The following STK38 variants were observed in gnomAD, a reference collection of about 807,000 sequenced individuals.
STK38 encodes the protein serine/threonine kinase 38.
STK38 carries 26 observed loss-of-function variants against 59.0 expected under a neutral mutation model. The observed-to-expected ratio is 0.44, with a 90% confidence interval of 0.32 to 0.61. The LOEUF (loss-of-function observed/expected upper bound fraction) is 0.61. Among genes scored for constraint, STK38 ranks in the 20% least tolerant of loss-of-function variants. The pLI is 0.04. For missense variants in STK38, 433 were observed against 566.0 expected, an observed-to-expected ratio of 0.76 and a Z score of 2.38; for synonymous variants, 175 against 176.6, an observed-to-expected ratio of 0.99 and a Z score of 0.07.
chr6:36,515,204 T>C (rs943973009), intron 7 of STK38, 134 bp downstream of exon 7: 19 of 905,484 alleles, frequency 2.1e-5, no homozygotes, highest in Middle Eastern at 2.3e-4. Context: ...CTTACCTGTT[T>C]AAAAAAAAAA....
chr6:36,517,557 G>T (rs937823451), intron 6 of STK38, among the ~76,000 whole-genome samples, 160 bp downstream of exon 6: 3 of 152,164 alleles, frequency 2.0e-5, no homozygotes. Flanking sequence ...AGGCACCCCA[G>T]CACAAGACAG....
At chr6:36,532,652 ACT>A in intron 2 of STK38, among the ~76,000 whole-genome samples, 1 of 151,994 alleles carries the variant, frequency 6.6e-6, no homozygotes, top group East Asian at 1.9e-4. Context: ...TGGCTCACAC[ACT>A]CTGGGAAGCT....
At chr6:36,527,207 A>AAATATATATATATAT (rs60162863) in intron 2 of STK38, among the ~76,000 whole-genome samples, 4 of 119,348 alleles carry the variant, frequency 3.4e-5, no homozygotes, top group East Asian at 2.4e-4. Flanking sequence ...AAAAAAAAAA[A>AAATATATATATATAT]ATATATGTAT....
chr6:36,539,423 C>A (rs1309892532), intron 2 of STK38, among the ~76,000 whole-genome samples: 3 of 151,528 alleles, frequency 2.0e-5, no homozygotes, highest in South Asian at 2.1e-4. Flanking sequence ...TTATGAGTTA[C>A]TAAGTGGACA....
intron 1 of STK38, among the ~76,000 whole-genome samples, chr6:36,541,498 A>G (rs901565784): frequency 2.6e-5 from 4 of 152,232 alleles, no homozygotes; most frequent in African/African-American, 9.6e-5. Context: ...AAGGAGGTGC[A>G]ATGCAGCATT....
chr6:36,495,658 A>T lies in STK38; in HGVS notation c.*126T>A. 1 of 1,266,442 alleles carries T rather than the reference A, an allele frequency of 7.9e-7. No individual in the cohort carries two copies. The highest frequency in any genetic ancestry group is 1.1e-6 in the Non-Finnish European group (1 of 924,610). 78.5% of individuals were successfully genotyped at this position (1,266,442 alleles called of 1,614,324 possible). On this transcript the variant is annotated 3_prime_UTR_variant, in exon 14 of 14. Transcript: ENST00000229812. The stretch of plus-strand genomic sequence containing the variant: ...GAAAATCCTCTTACTACCACATTTC[A>T]GGAGACTTTACTATGACATATTGGT...
Position 36,515,341 on chromosome 6 carries a change from G to A in STK38, c.666C>T (p.Ser222=). 3 of 1,613,980 alleles carry A rather than the reference G, an allele frequency of 1.9e-6. No homozygotes were observed. The highest frequency in any genetic ancestry group is 2.2e-5 in the South Asian group (2 of 91,070). ...CATGCCAATGCCCCCCCAATACCTT[G>A]CTGTCCAAAAGAAGGTTGTCTGGTT... The part of the protein sequence containing the change: ...DIKPDNLLLD[S]KGHVKLSDFG... Residue 222 remains serine, a synonymous_variant, in exon 7 of 14, where the codon AGC becomes AGT. Coordinates refer to ENST00000229812, the MANE Select transcript of STK38 (RefSeq NM_007271.4).
intron 2 of STK38, among the ~76,000 whole-genome samples, chr6:36,531,108 A>C (rs1777657157): frequency 6.6e-6 from 1 of 152,226 alleles, no homozygotes; most frequent in Non-Finnish European, 1.5e-5. Flanking sequence ...GGACTTACTC[A>C]TTCTTGAGGC....
intron 2 of STK38, among the ~76,000 whole-genome samples, chr6:36,527,620 T>C (rs914664032): frequency 6.6e-6 from 1 of 151,704 alleles, no homozygotes; most frequent in African/African-American, 2.4e-5. Context: ...CATGCAGTAA[T>C]GTTTTTGATC....
At chr6:36,521,862 C>G (rs1480869037) in intron 4 of STK38, 45 bp from the exon 5 acceptor site, 17 of 1,473,814 alleles carry the variant, frequency 1.2e-5, no homozygotes, top group Non-Finnish European at 1.6e-5. Context: ...CTCGTACTAC[C>G]AACCTAATGC....
intron 2 of STK38, among the ~76,000 whole-genome samples, chr6:36,530,736 G>T (rs182920157): frequency 6.8e-6 from 1 of 146,984 alleles, no homozygotes; most frequent in Admixed American, 6.8e-5. Context: ...TGTTACCCAG[G>T]CTGGAGTGCA....
intron 1 of STK38, among the ~76,000 whole-genome samples, chr6:36,544,608 G>C (rs966597669): frequency 2.6e-5 from 4 of 152,176 alleles, no homozygotes; most frequent in Admixed American, 6.5e-5. Flanking sequence ...CAATTTGCCA[G>C]GGCACTGGTG....
intron 1 of STK38, among the ~76,000 whole-genome samples, chr6:36,545,290 A>AG (rs1778032241): frequency 1.4e-5 from 1 of 71,024 alleles, no homozygotes; most frequent in East Asian, 2.8e-4. Flanking sequence ...CTCCGTCTGG[A>AG]AAAAAAAAAA....
chr6:36,527,618 A>G (rs548973374), intron 2 of STK38, among the ~76,000 whole-genome samples: 41 of 152,072 alleles, frequency 2.7e-4, no homozygotes, highest in Non-Finnish European at 5.1e-4. Context: ...TACATGCAGT[A>G]ATGTTTTTGA....
At position 36,520,734 on chromosome 6, in the gene STK38, C is replaced by T. The variant is rs116495709; in HGVS notation, c.390+1000G>A. ...AGACTTACCGCCCAGGTATTTGATA[C>T]TCCCAACTGAAATTCCTGGGAGTCT... is the stretch of plus-strand genomic sequence containing the variant. On this transcript the variant is annotated intron_variant, in intron 5 of 13. Transcript: ENST00000229812. Among the ~76,000 whole-genome samples, 878 of 152,208 alleles carry T rather than the reference C, an allele frequency of 5.8e-3. 8 individuals carry two copies. Among genetic ancestry groups the T allele is most frequent in the African/African-American group, 0.02 (833 of 41,532 alleles).
At position 36,495,412 on chromosome 6, in the gene STK38, GAAC is replaced by G; in HGVS notation, c.*369_*371del. 2.2e-5 allele frequency: 4 copies of G among 181,102 alleles called. No individual in the cohort carries two copies. Among genetic ancestry groups the G allele is most frequent in the Admixed American group, 5.6e-5 (1 of 17,736 alleles). The allele number at this position is 181,102 out of a possible 1,614,324, so 11.2% of individuals were successfully genotyped here. A position where few individuals can be genotyped will look rare whatever the true frequency, so the allele number is the denominator to read the frequency against. On this transcript the variant is annotated 3_prime_UTR_variant, in exon 14 of 14. Coordinates refer to ENST00000229812, the MANE Select transcript of STK38 (RefSeq NM_007271.4). ...CAGAGAGCGTGTCACAAAATTACAG[GAAC>G]TGGCTGATATTCGATGACTATACAC...
intron 1 of STK38, among the ~76,000 whole-genome samples, chr6:36,545,798 C>G (rs1778042110): frequency 6.6e-6 from 1 of 152,136 alleles, no homozygotes. Context: ...TAATAGGTGG[C>G]TGAGGAATTC....
chr6:36,534,083 G>A (rs1161950125), intron 2 of STK38, among the ~76,000 whole-genome samples: 3 of 152,084 alleles, frequency 2.0e-5, no homozygotes, highest in Non-Finnish European at 4.4e-5. Flanking sequence ...TATCAACCCA[G>A]CAACATAAAG....
At chr6:36,544,872 AAAC>A (rs571933282) in intron 1 of STK38, among the ~76,000 whole-genome samples, 6 of 152,232 alleles carry the variant, frequency 3.9e-5, no homozygotes, top group South Asian at 2.1e-4. Context: ...TCTGTCTTAA[AAAC>A]AACAACAACA....
Sources: allele counts gnomAD v4.1 joint callset (sites outside exome capture counted in the v4.1 genomes callset), GRCh38; gene constraint gnomAD v4.1.1; transcripts MANE v1.5; gene names NCBI Gene and HGNC (gene_info 2026-07-23, HGNC 2026-07-21).